The following CNTNAP2 variants were observed in gnomAD, a reference collection of about 807,000 sequenced individuals.
CNTNAP2 encodes the protein contactin associated protein 2.
Under a neutral mutation model 155.2 loss-of-function variants are expected in CNTNAP2, and 98 were observed. That is an observed-to-expected ratio of 0.63 (90% CI 0.54 to 0.75). The LOEUF is 0.75. Ranked by LOEUF, CNTNAP2 falls within the 30% of genes least tolerant of loss-of-function variation. The pLI, the probability that CNTNAP2 is intolerant of heterozygous loss-of-function variation, is 0.00. For synonymous variants in CNTNAP2, 651 were observed against 631.2 expected (o/e 1.03, Z -0.47); for missense variants, 1,727 against 1,688.1 (o/e 1.02, Z -0.40).
chr7:148,049,746 C>T (rs1483956812), intron 15 of CNTNAP2, among the ~76,000 whole-genome samples: 1 of 152,184 alleles, frequency 6.6e-6, no homozygotes, highest in African/African-American at 2.4e-5. Context: ...GTAGCTTATA[C>T]AATTATGTAC....
chr7:148,007,119 C>T (rs1235037809), intron 15 of CNTNAP2, among the ~76,000 whole-genome samples: 1 of 152,192 alleles, frequency 6.6e-6, no homozygotes, highest in Non-Finnish European at 1.5e-5. Context: ...AGTACATGTG[C>T]TTTACGCATT....
At chr7:147,541,405 A>G (rs1799636090) in intron 11 of CNTNAP2, among the ~76,000 whole-genome samples, 1 of 152,232 alleles carries the variant, frequency 6.6e-6, no homozygotes, top group Non-Finnish European at 1.5e-5. Flanking sequence ...CAACACTTAC[A>G]AAACACTCAG....
chr7:146,774,381 G>C lies in CNTNAP2; in HGVS notation c.208G>C (p.Gly70Arg), dbSNP rs758143699. 1 of 1,609,122 alleles carries C rather than the reference G, an allele frequency of 6.2e-7. No homozygotes were observed. The highest frequency in any genetic ancestry group is 1.7e-5 in the Admixed American group (1 of 59,970). ...PGYAKINKRG[G>R]AGGWSPSDSD... Reference sequence around the variant, plus strand: ...CTATGCCAAGATAAACAAGAGAGGAGGTAAGCCAAATTTTGATTCTTTTAT... The same window carrying C: ...CTATGCCAAGATAAACAAGAGAGGACGTAAGCCAAATTTTGATTCTTTTAT... The change falls in exon 2 of 24, where the codon GGT becomes CGT. Residue 70 changes from glycine to arginine, a missense_variant and splice_region_variant. Gly to Arg is a moderately radical substitution (Grantham distance 125). Transcript: ENST00000361727.
chr7:147,363,874 C>T (rs973044984), intron 9 of CNTNAP2, among the ~76,000 whole-genome samples: 3 of 152,092 alleles, frequency 2.0e-5, no homozygotes, highest in African/African-American at 7.2e-5. Flanking sequence ...TTGGATATAC[C>T]TTTCATGACA....
At position 147,473,856 on chromosome 7, in the gene CNTNAP2, G is replaced by A. The variant is rs900643181; in HGVS notation, c.1671-12079G>A. Reference sequence around the variant, plus strand: ...GCACTTTGGGAGGCCAAGGCGGGCAGATCACCTGAGGTCAGGAGTTTGAGA... The same window carrying A: ...GCACTTTGGGAGGCCAAGGCGGGCAAATCACCTGAGGTCAGGAGTTTGAGA... On this transcript the variant is annotated intron_variant, in intron 10 of 23. Transcript: ENST00000361727. Among the ~76,000 whole-genome samples the A allele has an allele frequency of 6.6e-5, 10 of 152,052 alleles. No homozygotes were observed. In the East Asian group the frequency reaches 1.8e-3, roughly 27 times the overall value.
At chr7:147,466,553 T>C (rs963538499) in intron 10 of CNTNAP2, among the ~76,000 whole-genome samples, 1 of 152,130 alleles carries the variant, frequency 6.6e-6, no homozygotes, top group African/African-American at 2.4e-5. Flanking sequence ...AGAGAAAATC[T>C]TTTGCTTCTG....
chr7:148,153,043 A>AG (rs1290639567), intron 17 of CNTNAP2, among the ~76,000 whole-genome samples: 42 of 151,106 alleles, frequency 2.8e-4, no homozygotes, highest in African/African-American at 9.0e-4. Flanking sequence ...AAAAAAAAAA[A>AG]AAAAGCTAAA....
intron 3 of CNTNAP2, among the ~76,000 whole-genome samples, chr7:147,026,527 T>G (rs1798921775): frequency 6.6e-6 from 1 of 152,080 alleles, no homozygotes; most frequent in Admixed American, 6.5e-5. Flanking sequence ...ATATTTATAA[T>G]AATACTTAAA....
In CNTNAP2 at chr7:146,151,708, A is replaced by G. The variant is rs71534716; in HGVS notation, c.97+34735A>G. On this transcript the variant is annotated intron_variant, in intron 1 of 23. Transcript: ENST00000361727. ...TATATATATATATATGTATATATAT[A>G]TATATGTATATATATATATGCGCAA... Among the ~76,000 whole-genome samples, 122 of 62,218 alleles carry G rather than the reference A, an allele frequency of 2.0e-3. 2 individuals carry two copies. Among genetic ancestry groups the G allele is most frequent in the African/African-American group, 0.01 (104 of 10,218 alleles). 40.8% of individuals were successfully genotyped at this position (62,218 alleles called of 152,430 possible). A position where few individuals can be genotyped will look rare whatever the true frequency, so the allele number is the denominator to read the frequency against.
intron 3 of CNTNAP2, among the ~76,000 whole-genome samples, chr7:146,901,850 T>C (rs905989929): frequency 2.0e-5 from 3 of 151,554 alleles, no homozygotes; most frequent in Non-Finnish European, 4.4e-5. Context: ...CCCTTTACAG[T>C]TTTTCTTGCA....
chr7:146,492,739 T>G (rs1254544903), intron 1 of CNTNAP2, among the ~76,000 whole-genome samples: 1 of 152,220 alleles, frequency 6.6e-6, no homozygotes, highest in East Asian at 1.9e-4. Context: ...TACAACATGA[T>G]GTTATATGAT....
chr7:147,253,806 C>G (rs539891287), intron 8 of CNTNAP2, among the ~76,000 whole-genome samples: 65 of 152,292 alleles, frequency 4.3e-4, no homozygotes, highest in African/African-American at 1.5e-3. Context: ...CTAGGTACCA[C>G]TGTGTACTTA....
chr7:147,795,229 A>G (rs1797874790), intron 13 of CNTNAP2, among the ~76,000 whole-genome samples: 1 of 151,804 alleles, frequency 6.6e-6, no homozygotes, highest in Non-Finnish European at 1.5e-5. Flanking sequence ...GGTTTCTTTG[A>G]ATCTAAAGTG....
chr7:146,363,192 A>T (rs73740277), intron 1 of CNTNAP2, among the ~76,000 whole-genome samples: 5,033 of 152,284 alleles, frequency 0.033, 298 homozygotes, highest in African/African-American at 0.11. Context: ...ATCTTATGAC[A>T]TAGAACTAAA....
Position 148,147,729 on chromosome 7 carries a change from C to T in CNTNAP2, c.2773+20C>T, listed in dbSNP as rs1386028380. On this transcript the variant is annotated intron_variant, in intron 17 of 23. Coordinates refer to ENST00000361727, the MANE Select transcript of CNTNAP2 (RefSeq NM_014141.6). ...TTGTGGGTAAGTAATGGAAAGGTAA[C>T]CATGGCTTCCCTCTGTTGATTTTTA... The T allele has an allele frequency of 3.1e-6, 5 of 1,607,396 alleles. No homozygotes were observed. In the Admixed American group the frequency reaches 6.7e-5, roughly 21 times the overall value.
At chr7:147,660,238 T>G (rs112582331) in intron 13 of CNTNAP2, among the ~76,000 whole-genome samples, 3 of 152,242 alleles carry the variant, frequency 2.0e-5, no homozygotes, top group Non-Finnish European at 2.9e-5. Context: ...TTTCAATGTA[T>G]TCCTTTGTAC....
chr7:147,793,374 T>C (rs1193953611), intron 13 of CNTNAP2, among the ~76,000 whole-genome samples: 1 of 152,130 alleles, frequency 6.6e-6, no homozygotes, highest in Non-Finnish European at 1.5e-5. Context: ...TGGTGTGAGA[T>C]AGGGGTCAAA....
rs775873873 is a variant in CNTNAP2 at position 147,108,263 on chromosome 7, G to A, written c.667G>A (p.Gly223Arg). The A allele has an allele frequency of 2.5e-6, 4 of 1,613,776 alleles. No individual in the cohort carries two copies. In the South Asian group the frequency reaches 4.4e-5, roughly 18 times the overall value. Residue 223 changes from glycine to arginine, a missense_variant, in exon 5 of 24, where the codon GGA becomes AGA. By Grantham distance (125) the Gly-to-Arg change is moderately radical (BLOSUM62 -2). Coordinates refer to ENST00000361727, the MANE Select transcript of CNTNAP2 (RefSeq NM_014141.6). ...ALNFKTSESE[G>R]VILHGEGQQG... ...GAACTTTAAGACGTCTGAAAGTGAA[G>A]GAGTAATCCTGCACGGAGAAGGACA...
At chr7:146,672,252 T>G (rs762812530) in intron 1 of CNTNAP2, among the ~76,000 whole-genome samples, 1 of 152,224 alleles carries the variant, frequency 6.6e-6, no homozygotes, top group Non-Finnish European at 1.5e-5. Flanking sequence ...TTAGTTGAAA[T>G]AGCCCTCACT....
Sources: gnomAD v4.1 joint callset for allele counts (sites outside exome capture counted in the v4.1 genomes callset) on GRCh38, gnomAD v4.1.1 for gene constraint, MANE v1.5 for transcripts, NCBI Gene and HGNC (gene_info 2026-07-23, HGNC 2026-07-21) for gene names.